Variants in SRP19 observed in about 807,000 individuals in gnomAD.
The protein encoded by SRP19 is signal recognition particle 19 kDa protein.
Under a neutral mutation model 22.4 loss-of-function variants are expected in SRP19, and 11 were observed. The observed-to-expected ratio is 0.49, with a 90% confidence interval of 0.31 to 0.81. The LOEUF is 0.81. SRP19 is among the 40% of genes least tolerant of loss of function. The probability of loss-of-function intolerance (pLI) is 0.05; values close to 1 mark genes in which losing one functional copy is unlikely to be tolerated. For missense variants in SRP19, 168 were observed against 175.9 expected, an observed-to-expected ratio of 0.96 and a Z score of 0.25; for synonymous variants, 61 against 57.6, an observed-to-expected ratio of 1.06 and a Z score of -0.27.
At chr5:112,884,954 C>G (rs1252389861) in intron 4 of SRP19, 1 of 152,166 alleles carries the variant, frequency 6.6e-6, no homozygotes, top group Admixed American at 6.5e-5. Context: ...ATGCTTGGCA[C>G]ATATTAAACA....
chr5:112,896,811 G>C (rs975341341), downstream of SRP19: 1 of 151,294 alleles, frequency 6.6e-6, no homozygotes, highest in African/African-American at 2.4e-5. Context: ...TGCACCTGTA[G>C]TCCCAGCTAC....
At chr5:112,862,196 G>A (rs958057464) in intron 1 of SRP19, among the ~76,000 whole-genome samples, 1 of 152,154 alleles carries the variant, frequency 6.6e-6, no homozygotes, top group African/African-American at 2.4e-5. Context: ...AAGAGCTGTT[G>A]GTTACAGAAT....
intron 4 of SRP19, chr5:112,877,806 C>G (rs1482124743): frequency 6.6e-6 from 1 of 152,138 alleles, no homozygotes; most frequent in Non-Finnish European, 1.5e-5. Context: ...GTTCCTTAAA[C>G]TGGTTTAAAA....
chr5:112,892,456 G>A, exon 5 of SRP19: 1 of 1,614,114 alleles, frequency 6.2e-7, no homozygotes, highest in Non-Finnish European at 8.5e-7. Context: ...TCACCTGAGG[G>A]GCAATGTATA....
chr5:112,891,473 A>T, intron 4 of SRP19: 1 of 896,882 alleles, frequency 1.1e-6, no homozygotes, highest in South Asian at 1.7e-5. Flanking sequence ...TATAAAGGAG[A>T]AACAAAATGA....
chr5:112,867,277 A>C lies in SRP19; in HGVS notation c.302-127A>C, dbSNP rs1483271550. 7.7e-6 allele frequency: 9 copies of C among 1,165,764 alleles called. 1 individual carries two copies. In the African/African-American group the frequency reaches 1.4e-4, roughly 18 times the overall value. 72.2% of individuals were successfully genotyped at this position (1,165,764 alleles called of 1,614,324 possible). Reference sequence around the variant, plus strand: ...AGTGTCTTCAGTCATTTGATTTTTGATTTTTTAAAAAAGTTATTTTCCATT... The same window carrying C: ...AGTGTCTTCAGTCATTTGATTTTTGCTTTTTTAAAAAAGTTATTTTCCATT... On this transcript the variant is annotated intron_variant, in intron 4 of 4. Transcript: ENST00000505459.
At chr5:112,870,138 C>T (rs1273987365), downstream of SRP19, among the ~76,000 whole-genome samples, 2 of 152,154 alleles carry the variant, frequency 1.3e-5, no homozygotes, top group Admixed American at 1.3e-4. Context: ...TGAGGGATGA[C>T]TGCATAGCTT....
At chr5:112,878,610 C>G in intron 4 of SRP19, 1 of 925,398 alleles carries the variant, frequency 1.1e-6, no homozygotes, top group South Asian at 1.9e-5. Context: ...AAAGTGCTCC[C>G]TATATATATA....
At chr5:112,898,293 C>T (rs911267320) in exon 4 of SRP19, 2 of 152,198 alleles carry the variant, frequency 1.3e-5, no homozygotes, top group Admixed American at 6.5e-5. Context: ...TTTTGATTGA[C>T]AGCATCATGA....
At chr5:112,880,472 C>G (rs1244993492) in intron 4 of SRP19, among the ~76,000 whole-genome samples, 1 of 152,168 alleles carries the variant, frequency 6.6e-6, no homozygotes, top group Non-Finnish European at 1.5e-5. Flanking sequence ...GGAGTCCCTT[C>G]TTGTCCACCA....
rs575645380 is a variant in SRP19, at chr5:112,890,882, T to C, written c.302-721T>C. The stretch of plus-strand genomic sequence containing the variant: ...TTTTCCTCTATAAAATAGGTATTAA[T>C]TGAAAATTTTAAAATTTACCCCTAT... On this transcript the variant is annotated intron_variant, in intron 4 of 4. Transcript: ENST00000391338. Among the ~76,000 whole-genome samples the C allele has an allele frequency of 1.7e-3, 253 of 150,680 alleles. 5 individuals are homozygous for C. Among genetic ancestry groups the C allele is most frequent in the South Asian group, 3.8e-3 (18 of 4,754 alleles).
intron 4 of SRP19, chr5:112,891,561 A>T: frequency 1.3e-6 from 2 of 1,543,454 alleles, no homozygotes; most frequent in South Asian, 2.4e-5. Flanking sequence ...AGAATCACTG[A>T]CAGTGGCAGC....
chr5:112,871,013 C>A (rs1462876280), downstream of SRP19, among the ~76,000 whole-genome samples: 1 of 152,042 alleles, frequency 6.6e-6, no homozygotes, highest in Non-Finnish European at 1.5e-5. Context: ...CCACTGTACC[C>A]AGCTAATTTA....
chr5:112,879,625 C>T (rs1278551777), intron 4 of SRP19, among the ~76,000 whole-genome samples: 1 of 152,102 alleles, frequency 6.6e-6, no homozygotes, highest in East Asian at 1.9e-4. Context: ...ATGCACTCAC[C>T]ACCACGCCCA....
chr5:112,865,271 T>C (rs1384036530), intron 4 of SRP19: 1 of 152,344 alleles, frequency 6.6e-6, no homozygotes, highest in African/African-American at 2.4e-5. Flanking sequence ...AAACACTCAT[T>C]CTTAAGAGAG....
intron 4 of SRP19, among the ~76,000 whole-genome samples, chr5:112,882,351 T>C (rs1768105495): frequency 6.6e-6 from 1 of 152,292 alleles, no homozygotes; most frequent in East Asian, 1.9e-4. Flanking sequence ...TTCCCGCTAT[T>C]ATCCTGATTC....
chr5:112,866,434 C>A (rs1223321683), intron 4 of SRP19, among the ~76,000 whole-genome samples: 1 of 152,172 alleles, frequency 6.6e-6, no homozygotes, highest in African/African-American at 2.4e-5. Flanking sequence ...GCAGTCTTGA[C>A]CTCTTGGGCT....
chr5:112,884,385 C>A (rs912029894), intron 4 of SRP19, among the ~76,000 whole-genome samples: 1 of 149,396 alleles, frequency 6.7e-6, no homozygotes, highest in Non-Finnish European at 1.5e-5. Context: ...TTACCATTTT[C>A]TATTTTTTTT....
intron 4 of SRP19, chr5:112,885,317 TG>T: frequency 5.8e-6 from 1 of 173,386 alleles, no homozygotes; most frequent in Non-Finnish European, 1.3e-5. Flanking sequence ...AAACAGCAAG[TG>T]GTAGATTTAG....
Sources: gnomAD v4.1 joint callset for allele counts (sites outside exome capture counted in the v4.1 genomes callset) on GRCh38, gnomAD v4.1.1 for gene constraint, MANE v1.5 for transcripts, NCBI Gene and HGNC (gene_info 2026-07-23, HGNC 2026-07-21) for gene names.